Variants in RYR2 observed in about 807,000 individuals in gnomAD.
The protein encoded by RYR2 is ryanodine receptor 2, also known as cardiac muscle ryanodine receptor-calcium release channel.
In RYR2, 227 loss-of-function variants were observed where a neutral mutation model predicts 601.1. The observed-to-expected ratio is 0.38, with a 90% CI of 0.34 to 0.42. RYR2 has a LOEUF of 0.42. Among genes scored for constraint, RYR2 ranks in the 10% least tolerant of loss-of-function variants. RYR2 has a pLI of 1.00. For synonymous variants in RYR2, 2,223 were observed against 2,175.1 expected, an observed-to-expected ratio of 1.02 and a Z score of -0.61; for missense variants, 4,646 against 6,156.5, an observed-to-expected ratio of 0.75 and a Z score of 8.21.
chr1:237,502,429 C>T (rs1488359905), intron 21 of RYR2, among the ~76,000 whole-genome samples: 1 of 152,136 alleles, frequency 6.6e-6, no homozygotes, highest in Non-Finnish European at 1.5e-5. Flanking sequence ...CAGTCCCCAA[C>T]CTTTTTGGCC....
Position 237,806,120 on chromosome 1 carries a change from C to A in RYR2, c.14152-17C>A, listed in dbSNP as rs368078898. On this transcript the variant is annotated splice_polypyrimidine_tract_variant and intron_variant, in intron 98 of 104. Coordinates refer to ENST00000366574, the MANE Select transcript of RYR2 (RefSeq NM_001035.3). The stretch of plus-strand genomic sequence containing the variant: ...CTGTTTTCTGACATGTTCTTTCCCC[C>A]CGTTTTGTCTTAATAGTCCTTCCTC... 1 of 1,610,758 alleles carries A rather than the reference C, an allele frequency of 6.2e-7. No homozygotes were observed. The highest frequency in any genetic ancestry group is 1.1e-5 in the South Asian group (1 of 90,606).
intron 2 of RYR2, among the ~76,000 whole-genome samples, chr1:237,296,819 A>G (rs1692826567): frequency 1.3e-5 from 2 of 152,230 alleles, no homozygotes; most frequent in African/African-American, 4.8e-5. Flanking sequence ...TGACCTGCAA[A>G]GCAGACACTT....
At chr1:237,770,931 A>G in intron 85 of RYR2, 44 bp downstream of exon 85, 5 of 1,224,802 alleles carry the variant, frequency 4.1e-6, no homozygotes, top group Non-Finnish European at 5.8e-6. Context: ...AGGCATAAAT[A>G]ATGTTTTCAA....
intron 1 of RYR2, among the ~76,000 whole-genome samples, chr1:237,171,633 C>G (rs1263762946): frequency 6.6e-6 from 1 of 152,198 alleles, no homozygotes; most frequent in Non-Finnish European, 1.5e-5. Context: ...CACATCTTAT[C>G]TAGAAACAAA....
chr1:237,536,941 T>A (rs1668705459), intron 25 of RYR2, among the ~76,000 whole-genome samples: 1 of 151,444 alleles, frequency 6.6e-6, no homozygotes, highest in African/African-American at 2.4e-5. Flanking sequence ...AATAAAAAGA[T>A]GCCCAAATAG....
chr1:237,538,702 C>T (rs1002496605), intron 25 of RYR2, among the ~76,000 whole-genome samples: 1 of 151,608 alleles, frequency 6.6e-6, no homozygotes, highest in African/African-American at 2.4e-5. Context: ...ACCTGAGAGG[C>T]GGAGGTTGCT....
At chr1:237,634,841 A>C (rs1041303862) in intron 43 of RYR2, 48 bp from the exon 44 acceptor site, 40 of 1,408,792 alleles carry the variant, frequency 2.8e-5, no homozygotes, top group Non-Finnish European at 3.9e-5. Context: ...TGGAGTTTAT[A>C]GTTACAGCAC....
chr1:237,523,261 G>C (rs1030505550), intron 24 of RYR2, among the ~76,000 whole-genome samples: 1 of 152,124 alleles, frequency 6.6e-6, no homozygotes, highest in African/African-American at 2.4e-5. Context: ...TACTTCAAAA[G>C]AAGCCATTAA....
At chr1:237,102,178 C>G (rs984491138) in intron 1 of RYR2, among the ~76,000 whole-genome samples, 1 of 152,096 alleles carries the variant, frequency 6.6e-6, no homozygotes, top group Non-Finnish European at 1.5e-5. Context: ...AGGATTTAGA[C>G]GGGAGCTTGA....
chr1:237,755,936 G>A (rs143075168), intron 80 of RYR2, among the ~76,000 whole-genome samples: 23 of 152,184 alleles, frequency 1.5e-4, no homozygotes, highest in Middle Eastern at 3.4e-3. Context: ...TATTCAAAAC[G>A]TGACAAACTT....
chr1:237,301,942 T>G lies in RYR2; in HGVS notation c.169-28936T>G, dbSNP rs185139538. On this transcript the variant is annotated intron_variant, in intron 2 of 104. Transcript: ENST00000366574. ...AGCCTCACCTGTTAAGGCCCATTGATCTAAAGAAAAATCTCAGGTGCAGTA... is the reference window on the plus strand; with the variant it reads ...AGCCTCACCTGTTAAGGCCCATTGAGCTAAAGAAAAATCTCAGGTGCAGTA... 4.2e-3 allele frequency among the ~76,000 whole-genome samples: 633 copies of G among 152,292 alleles called. 4 individuals are homozygous for G. Among genetic ancestry groups the G allele is most frequent in the African/African-American group, 0.014 (589 of 41,566 alleles).
intron 2 of RYR2, among the ~76,000 whole-genome samples, chr1:237,295,297 A>G (rs1322289636): frequency 6.6e-6 from 1 of 152,144 alleles, no homozygotes; most frequent in African/African-American, 2.4e-5. Flanking sequence ...ATGAGTCAGG[A>G]AAGTCAGAAG....
intron 12 of RYR2, among the ~76,000 whole-genome samples, chr1:237,432,260 C>G (rs963799681): frequency 6.6e-6 from 1 of 151,848 alleles, no homozygotes. Context: ...TCAGATTATT[C>G]AAGGCATTTA....
intron 14 of RYR2, among the ~76,000 whole-genome samples, chr1:237,451,134 C>T (rs6429014): frequency 6.6e-6 from 1 of 151,908 alleles, no homozygotes; most frequent in South Asian, 2.1e-4. Context: ...TAGTGACTCG[C>T]ACCTATAATC....
At chr1:237,533,216 A>C (rs993668453) in intron 25 of RYR2, among the ~76,000 whole-genome samples, 1 of 152,314 alleles carries the variant, frequency 6.6e-6, no homozygotes, top group South Asian at 2.1e-4. Context: ...ACTGTCTCTA[A>C]ATTTTCCATG....
chr1:237,633,098 C>T (rs1680520240), intron 42 of RYR2, among the ~76,000 whole-genome samples: 1 of 152,108 alleles, frequency 6.6e-6, no homozygotes, highest in Admixed American at 6.5e-5. Context: ...ATCAGTAATT[C>T]TACTAATATT....
chr1:237,393,146 G>T (rs1411454376), intron 10 of RYR2, among the ~76,000 whole-genome samples: 1 of 152,118 alleles, frequency 6.6e-6, no homozygotes, highest in Admixed American at 6.6e-5. Context: ...GGGAGAGAAG[G>T]AGAGAAAGCT....
intron 1 of RYR2, among the ~76,000 whole-genome samples, chr1:237,119,586 C>T (rs751225111): frequency 7.2e-5 from 11 of 152,116 alleles, no homozygotes; most frequent in Admixed American, 4.6e-4. Context: ...ATCTCTCCTA[C>T]GATGGCCAGT....
At position 237,485,382 on chromosome 1, in the gene RYR2, G is replaced by A. The variant is rs565268916; in HGVS notation, c.1709-6424G>A. Among the ~76,000 whole-genome samples the A allele has an allele frequency of 1.3e-4, 20 of 152,296 alleles. No individual in the cohort carries two copies. In the South Asian group the frequency reaches 3.9e-3, roughly 30 times the overall value. On this transcript the variant is annotated intron_variant, in intron 17 of 104. Transcript: ENST00000366574. ...TGGGTCAGAGTGAGCTGGGTGACAA[G>A]GAGGCAAAATTAAATCAATATCTGC...
Sources: allele counts gnomAD v4.1 joint callset (sites outside exome capture counted in the v4.1 genomes callset), GRCh38; gene constraint gnomAD v4.1.1; transcripts MANE v1.5; gene names NCBI Gene and HGNC (gene_info 2026-07-23, HGNC 2026-07-21).